PDE4D: variants seen among roughly 807,000 people sequenced by gnomAD.
PDE4D encodes 3',5'-cyclic-AMP phosphodiesterase 4D.
PDE4D carries 24 observed loss-of-function variants against 87.4 expected under a neutral mutation model. The observed-to-expected ratio is 0.27, with a 90% CI of 0.20 to 0.39. The LOEUF (loss-of-function observed/expected upper bound fraction) is 0.39. Among genes scored for constraint, PDE4D ranks in the 10% least tolerant of loss-of-function variants. The pLI, the probability that PDE4D is intolerant of heterozygous loss-of-function variation, is 1.00. For synonymous variants in PDE4D, 384 were observed against 383.2 expected, an observed-to-expected ratio of 1.00 and a Z score of -0.02; for missense variants, 714 against 1,041.0, an observed-to-expected ratio of 0.69 and a Z score of 4.32.
intron 1 of PDE4D, among the ~76,000 whole-genome samples, chr5:59,308,687 TG>T (rs1367343697): frequency 6.6e-6 from 1 of 151,772 alleles, no homozygotes; most frequent in African/African-American, 2.4e-5. Context: ...ATGGGCTCTG[TG>T]GGGGTTCTTA....
At chr5:59,052,745 A>G (rs1057036269) in intron 5 of PDE4D, among the ~76,000 whole-genome samples, 1 of 152,200 alleles carries the variant, frequency 6.6e-6, no homozygotes, top group East Asian at 1.9e-4. Context: ...CTAAAAATAC[A>G]TTCCCTAGAA....
intron 1 of PDE4D, among the ~76,000 whole-genome samples, chr5:60,186,849 A>T (rs187214398): frequency 2.8e-4 from 42 of 151,826 alleles, no homozygotes; most frequent in East Asian, 1.5e-3. Flanking sequence ...ATCATTTTTT[A>T]AAAAAACATA....
At chr5:59,133,862 ACTTTGAC>A (rs1561542833) in intron 5 of PDE4D, among the ~76,000 whole-genome samples, 1 of 152,146 alleles carries the variant, frequency 6.6e-6, no homozygotes. Flanking sequence ...CATGGAGCAA[ACTTTGAC>A]CAATGAGAGA....
chr5:60,305,487 A>G (rs1754414499), intron 1 of PDE4D, among the ~76,000 whole-genome samples: 1 of 152,108 alleles, frequency 6.6e-6, no homozygotes, highest in African/African-American at 2.4e-5. Context: ...ATAGCTCATC[A>G]GTATTCCTAG....
intron 1 of PDE4D, among the ~76,000 whole-genome samples, chr5:59,228,729 T>C (rs1754430228): frequency 3.3e-5 from 5 of 152,234 alleles, no homozygotes; most frequent in Admixed American, 3.3e-4. Flanking sequence ...AATACTACGT[T>C]CTCCCAATGG....
intron 1 of PDE4D, among the ~76,000 whole-genome samples, chr5:59,723,710 A>G (rs562049124): frequency 6.6e-6 from 1 of 152,300 alleles, no homozygotes; most frequent in East Asian, 1.9e-4. Context: ...ACATTAAAAA[A>G]TATTTAAACA....
At chr5:59,217,637 C>T (rs1038123623) in intron 1 of PDE4D, among the ~76,000 whole-genome samples, 3 of 152,180 alleles carry the variant, frequency 2.0e-5, no homozygotes, top group Non-Finnish European at 4.4e-5. Flanking sequence ...ACTCACTTTA[C>T]AGACGAGGAT....
In PDE4D at chr5:59,586,928, G is replaced by A. The variant is rs983063317; in HGVS notation, c.455+306240C>T. On this transcript the variant is annotated intron_variant, in intron 1 of 14. Transcript: ENST00000340635. ...ATGGTCACTTTAACGCAGTGCTACCGTCTGAGACGTGTCGGACAAAGGCCT... is the reference window on the plus strand; with the variant it reads ...ATGGTCACTTTAACGCAGTGCTACCATCTGAGACGTGTCGGACAAAGGCCT... 22 of 985,300 alleles carry A rather than the reference G, an allele frequency of 2.2e-5. No homozygotes were observed. In the East Asian group the frequency reaches 3.4e-4, roughly 15 times the overall value. The allele number at this position is 985,300 out of a possible 1,614,324, so 61.0% of individuals were successfully genotyped here. A position where few individuals can be genotyped will look rare whatever the true frequency, so the allele number is the denominator to read the frequency against.
chr5:60,394,958 G>C (rs1762788925), intron 1 of PDE4D, among the ~76,000 whole-genome samples: 1 of 152,122 alleles, frequency 6.6e-6, no homozygotes, highest in South Asian at 2.1e-4. Flanking sequence ...AGAAATATTA[G>C]CTGTCTCACA....
intron 1 of PDE4D, among the ~76,000 whole-genome samples, chr5:59,656,772 G>A (rs897038677): frequency 6.6e-6 from 1 of 152,204 alleles, no homozygotes; most frequent in Non-Finnish European, 1.5e-5. Flanking sequence ...TGATTCTGCA[G>A]AGTTGCAATT....
chr5:59,244,463 T>C (rs1380211259), intron 1 of PDE4D, among the ~76,000 whole-genome samples: 5 of 147,302 alleles, frequency 3.4e-5, no homozygotes, highest in Non-Finnish European at 6.0e-5. Flanking sequence ...TATATATATA[T>C]ACATATACAT....
intron 1 of PDE4D, among the ~76,000 whole-genome samples, chr5:60,367,063 G>A (rs1760612011): frequency 6.6e-6 from 1 of 152,128 alleles, no homozygotes; most frequent in African/African-American, 2.4e-5. Context: ...CCTTCCGGGT[G>A]GGTGGATACA....
chr5:59,057,150 T>C (rs1762493326), intron 5 of PDE4D, among the ~76,000 whole-genome samples: 1 of 152,128 alleles, frequency 6.6e-6, no homozygotes, highest in African/African-American at 2.4e-5. Context: ...CAGCTCTGCC[T>C]CCCCCATTTT....
intron 1 of PDE4D, among the ~76,000 whole-genome samples, chr5:59,387,130 A>G (rs2153606005): frequency 6.6e-6 from 1 of 152,310 alleles, no homozygotes; most frequent in African/African-American, 2.4e-5. Flanking sequence ...AGCATGTGCC[A>G]TAATGTTCTC....
chr5:59,828,090 G>T (rs1770535626), intron 1 of PDE4D, among the ~76,000 whole-genome samples: 1 of 151,788 alleles, frequency 6.6e-6, no homozygotes, highest in South Asian at 2.1e-4. Flanking sequence ...AAAGAAAAAA[G>T]ATGGCTCAAA....
intron 1 of PDE4D, among the ~76,000 whole-genome samples, chr5:59,879,834 G>T (rs113044682): frequency 2.6e-5 from 4 of 152,194 alleles, no homozygotes; most frequent in South Asian, 4.1e-4. Flanking sequence ...TCCGCTCCCC[G>T]GGTTTAAGCG....
At position 60,010,574 on chromosome 5, in the gene PDE4D, T is replaced by C. The variant is rs563238232; in HGVS notation, c.43-21857A>G. ...CATGACATCTGTGTACCCCTCATAC[T>C]TCCTCTTGCCTCATTTTGGCCACAG... On this transcript the variant is annotated intron_variant, in intron 2 of 16. Coordinates refer to the PDE4D transcript ENST00000502484. Among the ~76,000 whole-genome samples, 19 of 152,232 alleles carry C rather than the reference T, an allele frequency of 1.2e-4. No individual in the cohort carries two copies. In the South Asian group the frequency reaches 3.9e-3, roughly 32 times the overall value.
At chr5:59,209,960 G>C (rs1301390346) in intron 2 of PDE4D, among the ~76,000 whole-genome samples, 2 of 152,170 alleles carry the variant, frequency 1.3e-5, no homozygotes, top group African/African-American at 4.8e-5. Flanking sequence ...TCCCTCTGTT[G>C]CCTCAGGACA....
chr5:59,201,517 AG>A (rs1451083301), intron 2 of PDE4D, among the ~76,000 whole-genome samples: 1 of 152,200 alleles, frequency 6.6e-6, no homozygotes, highest in Non-Finnish European at 1.5e-5. Flanking sequence ...AGGAGGCATT[AG>A]ATTTTTTTAT....
Sources: allele counts gnomAD v4.1 joint callset (sites outside exome capture counted in the v4.1 genomes callset), GRCh38; gene constraint gnomAD v4.1.1; transcripts MANE v1.5; gene names NCBI Gene and HGNC (gene_info 2026-07-23, HGNC 2026-07-21).